PIGS: variants seen among roughly 807,000 people sequenced by gnomAD.
PIGS encodes the protein phosphatidylinositol glycan anchor biosynthesis class S.
In PIGS, 37 loss-of-function variants were observed where a neutral mutation model predicts 58.2. The observed-to-expected ratio is 0.64, with a 90% CI of 0.49 to 0.84. The LOEUF is 0.84. Among genes scored for constraint, PIGS ranks in the 40% least tolerant of loss-of-function variants. The pLI is 0.00. For synonymous variants in PIGS, 269 were observed against 289.2 expected (o/e 0.93, Z 0.71); for missense variants, 629 against 710.8 (o/e 0.88, Z 1.31).
intron 3 of PIGS, among the ~76,000 whole-genome samples, chr17:28,568,625 T>C (rs1170148217): frequency 6.6e-6 from 1 of 152,240 alleles, no homozygotes; most frequent in Non-Finnish European, 1.5e-5. Context: ...ATTCCAGCTC[T>C]CTGATCCCAG....
chr17:28,555,740 G>A (rs2070322742), intron 10 of PIGS: 1 of 185,030 alleles, frequency 5.4e-6, no homozygotes, highest in African/African-American at 2.4e-5. Context: ...GGAGGCCTAA[G>A]CGGGTGGATC....
chr17:28,569,724 G>A (rs1170165376), intron 3 of PIGS, among the ~76,000 whole-genome samples: 1 of 152,162 alleles, frequency 6.6e-6, no homozygotes, highest in Non-Finnish European at 1.5e-5. Context: ...GTCAGGCCTG[G>A]ATTTAAATCC....
intron 3 of PIGS, among the ~76,000 whole-genome samples, chr17:28,569,311 C>G (rs2151514781): frequency 6.6e-6 from 1 of 151,262 alleles, no homozygotes; most frequent in East Asian, 1.9e-4. Flanking sequence ...ACTAAAAATA[C>G]CAAAACAAAT....
chr17:28,570,236 C>T (rs1442600767), intron 3 of PIGS, among the ~76,000 whole-genome samples: 1 of 152,212 alleles, frequency 6.6e-6, no homozygotes. Flanking sequence ...AGGGGCTGGG[C>T]GCGGTGGCTC....
chr17:28,554,499 G>A lies in PIGS; in HGVS notation c.1393-4C>T. ...CGGCAGCTACAGCCTTGTACACCTA[G>A]GAAGGAGAAGGGACAAGAGGGTATA... On this transcript the variant is annotated splice_region_variant and splice_polypyrimidine_tract_variant and intron_variant, in intron 11 of 11. Transcript: ENST00000308360. 2 of 1,613,404 alleles carry A rather than the reference G, an allele frequency of 1.2e-6. No homozygotes were observed. Among genetic ancestry groups the A allele is most frequent in the Non-Finnish European group, 1.7e-6 (2 of 1,179,700 alleles).
intron 8 of PIGS, among the ~76,000 whole-genome samples, chr17:28,558,116 G>A (rs995793682): frequency 1.3e-5 from 2 of 152,092 alleles, no homozygotes; most frequent in Non-Finnish European, 2.9e-5. Context: ...ACCAGCATGG[G>A]CAACATAATG....
chr17:28,556,641 G>A (rs1424251794), intron 9 of PIGS, 186 bp downstream of exon 9: 20 of 757,788 alleles, frequency 2.6e-5, no homozygotes, highest in Admixed American at 8.3e-5. Flanking sequence ...AAACACTGGC[G>A]GAAACAAAAG....
intron 3 of PIGS, among the ~76,000 whole-genome samples, chr17:28,565,859 G>A (rs1378369772): frequency 1.3e-5 from 2 of 152,032 alleles, no homozygotes; most frequent in Admixed American, 6.6e-5. Flanking sequence ...GTGAAACCCC[G>A]TTTCTACTAA....
chr17:28,560,125 T>TCAATGTCC lies in PIGS; in HGVS notation c.735_742dup (p.Glu248GlyfsTer15). The stretch of plus-strand genomic sequence containing the variant: ...TTGCACATAGCGCCGGACAGCCCCC[T>TCAATGTCC]CAATGTCCCAGTAGACATCATGGGA... On this transcript the variant is annotated frameshift_variant, in exon 7 of 12. Coordinates refer to ENST00000308360, the MANE Select transcript of PIGS (RefSeq NM_033198.4). LOFTEE classifies it high-confidence loss of function. The TCAATGTCC allele has an allele frequency of 5.0e-6, 8 of 1,613,396 alleles. No homozygotes were observed. Among genetic ancestry groups the TCAATGTCC allele is most frequent in the Non-Finnish European group, 6.8e-6 (8 of 1,179,700 alleles).
At position 28,556,206 on chromosome 17, in the gene PIGS, C is replaced by T; in HGVS notation, c.1141G>A (p.Asp381Asn). ...ASVLPVRVEV[D>N]MVRVMEVFLA... ...AACACCTCCATCACTCGCACCATGT[C>T]CACCTCGACTCTCACTGGCAGCACT... The change falls in exon 10 of 12, where the codon GAC becomes AAC. Residue 381 changes from aspartate (D) to asparagine (N), a missense_variant. Physicochemically the swap from Asp to Asn is conservative, Grantham distance 23. Transcript: ENST00000308360. The T allele has an allele frequency of 6.2e-7, 1 of 1,614,088 alleles. No homozygotes were observed. Among genetic ancestry groups the T allele is most frequent in the Non-Finnish European group, 8.5e-7 (1 of 1,179,934 alleles).
chr17:28,571,406 G>A (rs1273102194), intron 1 of PIGS, 57 bp downstream of exon 1: 9 of 1,594,002 alleles, frequency 5.6e-6, no homozygotes, highest in Admixed American at 1.7e-5. Context: ...CCCCACCCCT[G>A]CTATTCCTCC....
intron 5 of PIGS, 196 bp from the exon 6 acceptor site, chr17:28,561,825 CT>C: frequency 1.7e-6 from 1 of 572,176 alleles, no homozygotes; most frequent in South Asian, 2.3e-5. Context: ...TCTCCGTTCT[CT>C]TCTTTTTCCC....
chr17:28,569,656 C>T (rs1597587885), intron 3 of PIGS, among the ~76,000 whole-genome samples: 1 of 152,070 alleles, frequency 6.6e-6, no homozygotes, highest in Non-Finnish European at 1.5e-5. Flanking sequence ...TGATTCACCC[C>T]GCCACACTTT....
At chr17:28,567,758 C>T (rs1213643272) in intron 3 of PIGS, among the ~76,000 whole-genome samples, 1 of 152,188 alleles carries the variant, frequency 6.6e-6, no homozygotes, top group Non-Finnish European at 1.5e-5. Flanking sequence ...GATTCAGCCC[C>T]CTTCTACTGT....
At chr17:28,561,686 C>G (rs2151513104) in intron 5 of PIGS, 57 bp from the exon 6 acceptor site, 2 of 1,529,664 alleles carry the variant, frequency 1.3e-6, no homozygotes, top group East Asian at 4.9e-5. Flanking sequence ...AGCCAAAAAG[C>G]ACCCTGGCTC....
chr17:28,562,529 G>C (rs952726441), intron 5 of PIGS, among the ~76,000 whole-genome samples: 2 of 152,174 alleles, frequency 1.3e-5, no homozygotes, highest in Non-Finnish European at 2.9e-5. Flanking sequence ...CACCTCCTGG[G>C]TTCAAGTGAT....
chr17:28,563,077 G>A (rs1452342461), intron 5 of PIGS, among the ~76,000 whole-genome samples: 1 of 152,072 alleles, frequency 6.6e-6, no homozygotes, highest in East Asian at 2.0e-4. Flanking sequence ...GGGGGCCAAG[G>A]CAGGTAGATC....
chr17:28,570,914 G>A lies in PIGS; in HGVS notation c.224C>T (p.Pro75Leu). Residue 75 changes from proline to leucine, a missense_variant, in exon 3 of 12, where the codon CCC becomes CTC. Physicochemically the swap from Pro to Leu is moderately conservative, Grantham distance 98 (BLOSUM62 -3). Coordinates refer to ENST00000308360, the MANE Select transcript of PIGS (RefSeq NM_033198.4). ...VTVVFTRESVPLDDQEKLPFT... is the reference protein window; with the variant it reads ...VTVVFTRESVLLDDQEKLPFT... ...GGGCAGCTTCTCCTGGTCGTCCAGG[G>A]GCACTGACTCCCGCGTAAACACGAC... The A allele has an allele frequency of 2.5e-6, 4 of 1,614,202 alleles. No homozygotes were observed. Among genetic ancestry groups the A allele is most frequent in the Non-Finnish European group, 3.4e-6 (4 of 1,180,044 alleles).
At chr17:28,564,715 CAAAA>C (rs1185487806) in intron 3 of PIGS, among the ~76,000 whole-genome samples, 1 of 97,998 alleles carries the variant, frequency 1.0e-5, no homozygotes, top group Non-Finnish European at 2.1e-5. Context: ...AACTCCATCT[CAAAA>C]AAAAAAAAAA....
Sources: allele counts gnomAD v4.1 joint callset (sites outside exome capture counted in the v4.1 genomes callset), GRCh38; gene constraint gnomAD v4.1.1; transcripts MANE v1.5; gene names NCBI Gene and HGNC (gene_info 2026-07-23, HGNC 2026-07-21).